Variants in DNAJC13 observed in about 807,000 individuals in gnomAD.
The protein encoded by DNAJC13 is DnaJ heat shock protein family (Hsp40) member C13, also known as dnaJ homolog subfamily C member 13.
DNAJC13 carries 75 observed loss-of-function variants against 290.5 expected under a neutral mutation model. The ratio of observed to expected loss-of-function variants is 0.26; its 90% confidence interval spans 0.21 to 0.31. The LOEUF is 0.31. DNAJC13 is among the 10% of genes least tolerant of loss of function. DNAJC13 has a pLI of 1.00. For missense variants in DNAJC13, 2,260 were observed against 2,674.5 expected (o/e 0.85, Z 3.42); for synonymous variants, 862 against 892.0 (o/e 0.97, Z 0.60).
At chr3:132,436,911 A>T (rs1939399961) in intron 2 of DNAJC13, among the ~76,000 whole-genome samples, 1 of 149,546 alleles carries the variant, frequency 6.7e-6, no homozygotes, top group African/African-American at 2.5e-5. Flanking sequence ...TTTGAGACAG[A>T]GTCTCACTCT....
At chr3:132,419,663 C>G (rs1190346850) in intron 1 of DNAJC13, among the ~76,000 whole-genome samples, 1 of 152,214 alleles carries the variant, frequency 6.6e-6, no homozygotes, top group African/African-American at 2.4e-5. Flanking sequence ...TACCTTTCCC[C>G]TGCTTCTGAT....
Position 132,463,684 on chromosome 3 carries a change from C to G in DNAJC13, c.1771-12C>G. ...TTGCCACCTTAGGGATCATCTTACC[C>G]TTTTTCCAAAGGAAGGTGATAAAGA... On this transcript the variant is annotated splice_polypyrimidine_tract_variant and intron_variant, in intron 16 of 55. Transcript: ENST00000260818. 1 of 1,610,546 alleles carries G rather than the reference C, an allele frequency of 6.2e-7. No homozygotes were observed. The highest frequency in any genetic ancestry group is 1.1e-5 in the South Asian group (1 of 90,580).
intron 55 of DNAJC13, among the ~76,000 whole-genome samples, chr3:132,534,830 A>G (rs1460457027): frequency 6.6e-6 from 1 of 152,196 alleles, no homozygotes; most frequent in Non-Finnish European, 1.5e-5. Flanking sequence ...ATGTGTGCTC[A>G]TTGCTTGAGT....
intron 43 of DNAJC13, among the ~76,000 whole-genome samples, chr3:132,509,218 G>C (rs372541820): frequency 2.0e-5 from 3 of 152,354 alleles, no homozygotes; most frequent in South Asian, 2.1e-4. Context: ...AAAAATATCA[G>C]TATTAACAGG....
intron 55 of DNAJC13, among the ~76,000 whole-genome samples, chr3:132,534,822 G>A (rs982953772): frequency 4.6e-5 from 7 of 152,206 alleles, no homozygotes; most frequent in African/African-American, 1.7e-4. Context: ...TTGGATTGAT[G>A]TGTGCTCATT....
At chr3:132,537,166 C>G (rs746987980) in intron 55 of DNAJC13, 10 of 456,164 alleles carry the variant, frequency 2.2e-5, no homozygotes, top group Non-Finnish European at 4.0e-5. Flanking sequence ...AGGTGTCTCT[C>G]CTTCCCTTCT....
At chr3:132,477,750 T>G in intron 22 of DNAJC13, 39 bp from the exon 23 acceptor site, 1 of 1,493,168 alleles carries the variant, frequency 6.7e-7, no homozygotes, top group Non-Finnish European at 9.1e-7. Context: ...CAAAATCTAT[T>G]GTAAACTAAA....
chr3:132,469,170 A>G (rs1934100711), intron 20 of DNAJC13, among the ~76,000 whole-genome samples: 1 of 152,176 alleles, frequency 6.6e-6, no homozygotes, highest in Non-Finnish European at 1.5e-5. Flanking sequence ...CGTGGGTACT[A>G]TTTTTAACAG....
At chr3:132,466,266 A>G (rs1553745375) in intron 18 of DNAJC13, 33 bp from the exon 19 acceptor site, 1 of 1,561,108 alleles carries the variant, frequency 6.4e-7, no homozygotes, top group Non-Finnish European at 8.6e-7. Context: ...TTTCTTTTTC[A>G]CATTGTTTTG....
intron 55 of DNAJC13, among the ~76,000 whole-genome samples, chr3:132,534,093 C>T (rs905323672): frequency 2.0e-5 from 3 of 152,096 alleles, no homozygotes; most frequent in Non-Finnish European, 4.4e-5. Flanking sequence ...ATCCCTGAGC[C>T]GGCTTAAGGG....
intron 6 of DNAJC13, among the ~76,000 whole-genome samples, chr3:132,451,525 G>A (rs1933415187): frequency 6.6e-6 from 1 of 152,092 alleles, no homozygotes; most frequent in Non-Finnish European, 1.5e-5. Context: ...AGTAATAGAA[G>A]CTGAAGTATA....
intron 34 of DNAJC13, 100 bp downstream of exon 34, chr3:132,494,359 C>A: frequency 1.0e-6 from 1 of 958,642 alleles, no homozygotes; most frequent in Non-Finnish European, 1.6e-6. Context: ...AAATCTTTTG[C>A]CTATACTTTG....
intron 22 of DNAJC13, among the ~76,000 whole-genome samples, chr3:132,476,354 C>T (rs1310801513): frequency 6.6e-6 from 1 of 152,158 alleles, no homozygotes; most frequent in Non-Finnish European, 1.5e-5. Context: ...AGTGAAAACC[C>T]TTGACATTAC....
chr3:132,526,137 T>G lies in DNAJC13; in HGVS notation c.6241-4T>G. On this transcript the variant is annotated splice_polypyrimidine_tract_variant and splice_region_variant and intron_variant, in intron 52 of 55. Transcript: ENST00000260818. ...ACAAGTAACCTTCTCTTTTGGGCAC[T>G]TAGCTGTGTGTTCGAGCCATGGCAT... 6.2e-7 allele frequency: 1 copy of G among 1,613,960 alleles called. No homozygotes were observed. Among genetic ancestry groups the G allele is most frequent in the Non-Finnish European group, 8.5e-7 (1 of 1,179,918 alleles).
chr3:132,441,173 A>G (rs1235539197), intron 2 of DNAJC13, among the ~76,000 whole-genome samples: 1 of 152,202 alleles, frequency 6.6e-6, no homozygotes, highest in Non-Finnish European at 1.5e-5. Flanking sequence ...AAAGAATTCG[A>G]ATGGAAGGTC....
At chr3:132,449,397 A>G (rs1933354651) in intron 5 of DNAJC13, among the ~76,000 whole-genome samples, 1 of 152,122 alleles carries the variant, frequency 6.6e-6, no homozygotes, top group Admixed American at 6.6e-5. Flanking sequence ...AGGCATGTAA[A>G]CAAGTATAGT....
At chr3:132,502,820 A>G (rs55817006) in intron 40 of DNAJC13, among the ~76,000 whole-genome samples, 7,880 of 152,248 alleles carry the variant, frequency 0.052, 397 homozygotes, top group African/African-American at 0.14. Context: ...ACACTTGAGT[A>G]CTTGTCTGAT....
rs1222046737 is a variant in DNAJC13, at chr3:132,514,848, A to G, written c.5485+178A>G. 17 of 501,218 alleles carry G rather than the reference A, an allele frequency of 3.4e-5. No individual in the cohort carries two copies. The Admixed American group carries it at 5.1e-4, about 15-fold the overall frequency. 31.0% of individuals were successfully genotyped at this position (501,218 alleles called of 1,614,324 possible). A position where few individuals can be genotyped will look rare whatever the true frequency, so the allele number is the denominator to read the frequency against. ...CATACGTTACTGTCTTGCATTTCCT[A>G]TGTCAAAAGTTGAAAGTTGGGGGTG... On this transcript the variant is annotated intron_variant, in intron 46 of 55. Transcript: ENST00000260818.
chr3:132,466,481 T>C (rs1933990204), intron 19 of DNAJC13, 87 bp downstream of exon 19: 2 of 1,144,816 alleles, frequency 1.7e-6, no homozygotes, highest in African/African-American at 1.6e-5. Flanking sequence ...TTAAAAATTT[T>C]AGAAACAAAG....
Sources: allele counts gnomAD v4.1 joint callset (sites outside exome capture counted in the v4.1 genomes callset), GRCh38; gene constraint gnomAD v4.1.1; transcripts MANE v1.5; gene names NCBI Gene and HGNC (gene_info 2026-07-23, HGNC 2026-07-21).